The following SFI1 variants were observed in gnomAD, a reference collection of about 807,000 sequenced individuals.
SFI1 encodes the protein SFI1 centrin binding protein, also known as protein SFI1 homolog.
SFI1 carries 195 observed loss-of-function variants against 207.5 expected under a neutral mutation model. The observed-to-expected ratio is 0.94, with a 90% CI of 0.84 to 1.06. The LOEUF is 1.06. SFI1 is among the 50% of genes least tolerant of loss of function. SFI1 has a pLI of 0.00. For synonymous variants in SFI1, 630 were observed against 598.9 expected, an observed-to-expected ratio of 1.05 and a Z score of -0.76; for missense variants, 1,634 against 1,588.0, an observed-to-expected ratio of 1.03 and a Z score of -0.49.
chr22:31,535,900 CTTA>C (rs999598491), intron 4 of SFI1, among the ~76,000 whole-genome samples: 7 of 152,094 alleles, frequency 4.6e-5, no homozygotes, highest in African/African-American at 1.7e-4. Context: ...CCACACCTGC[CTTA>C]TTATACTGAA....
At chr22:31,575,089 T>G (rs936251910) in intron 9 of SFI1, 142 bp from the exon 10 acceptor site, 1 of 33,660 alleles carries the variant, frequency 3.0e-5, no homozygotes, top group Non-Finnish European at 5.6e-5. Context: ...TTAGTGCGTG[T>G]GTGTGTGTGT....
intron 2 of SFI1, among the ~76,000 whole-genome samples, chr22:31,509,789 C>T (rs1188197128): frequency 1.3e-5 from 2 of 151,910 alleles, no homozygotes; most frequent in Admixed American, 6.6e-5. Flanking sequence ...GTCACGAGGT[C>T]TATTGGTCTT....
chr22:31,502,339 C>T (rs2053926834), intron 1 of SFI1, among the ~76,000 whole-genome samples: 1 of 151,560 alleles, frequency 6.6e-6, no homozygotes, highest in South Asian at 2.1e-4. Flanking sequence ...ACTTACTGTA[C>T]TTAGTTCTAG....
At chr22:31,497,403 T>TGTGATCA (rs917701429) in intron 1 of SFI1, 5 of 152,224 alleles carry the variant, frequency 3.3e-5, no homozygotes, top group African/African-American at 1.2e-4. Context: ...TACAGTGATC[T>TGTGATCA]GTGATCAGTG....
intron 22 of SFI1, among the ~76,000 whole-genome samples, chr22:31,608,474 A>G (rs1275523366): frequency 1.3e-5 from 2 of 152,134 alleles, no homozygotes; most frequent in Non-Finnish European, 2.9e-5. Context: ...TTACATCTGC[A>G]GTGAGCCTAG....
chr22:31,569,784 C>CA (rs2062757566), intron 8 of SFI1, among the ~76,000 whole-genome samples: 1 of 151,746 alleles, frequency 6.6e-6, no homozygotes, highest in South Asian at 2.1e-4. Context: ...CCTGTCTCTA[C>CA]AAAAAATACA....
At chr22:31,499,625 G>T (rs1321253826) in intron 1 of SFI1, among the ~76,000 whole-genome samples, 8 of 152,188 alleles carry the variant, frequency 5.3e-5, no homozygotes, top group Non-Finnish European at 1.5e-5. Context: ...ATGTTCTACT[G>T]TGGGTAAAAT....
intron 8 of SFI1, among the ~76,000 whole-genome samples, chr22:31,572,328 ATAGACCCTTG>A (rs2063035136): frequency 6.6e-6 from 1 of 152,142 alleles, no homozygotes; most frequent in African/African-American, 2.4e-5. Flanking sequence ...GTGTGCATTT[ATAGACCCTTG>A]TAGACCCTTA....
chr22:31,569,792 A>G (rs1201578142), intron 8 of SFI1, among the ~76,000 whole-genome samples: 3 of 152,028 alleles, frequency 2.0e-5, no homozygotes, highest in Non-Finnish European at 4.4e-5. Context: ...TACAAAAAAT[A>G]CAAAAAATTA....
At chr22:31,507,990 C>T (rs747283615) in intron 1 of SFI1, among the ~76,000 whole-genome samples, 5 of 152,014 alleles carry the variant, frequency 3.3e-5, no homozygotes, top group Admixed American at 1.3e-4. Flanking sequence ...GCAGGAGAAT[C>T]GCTTGAGCCC....
chr22:31,607,461 G>C (rs1368176294), intron 21 of SFI1, among the ~76,000 whole-genome samples: 1 of 151,814 alleles, frequency 6.6e-6, no homozygotes, highest in African/African-American at 2.4e-5. Context: ...AAATTAGCTG[G>C]GTGTGGTGGT....
chr22:31,511,642 A>G (rs1350584010), intron 2 of SFI1, among the ~76,000 whole-genome samples: 1 of 151,316 alleles, frequency 6.6e-6, no homozygotes, highest in African/African-American at 2.4e-5. Context: ...AAGGGAATGT[A>G]TTTCCTTTAA....
intron 2 of SFI1, among the ~76,000 whole-genome samples, chr22:31,522,844 C>T (rs924878983): frequency 4.6e-5 from 7 of 151,994 alleles, no homozygotes; most frequent in African/African-American, 9.7e-5. Flanking sequence ...TTAGTAGAGA[C>T]GGGGTTTCAC....
chr22:31,546,756 C>T, intron 4 of SFI1, 105 bp from the exon 5 acceptor site: 2 of 670,544 alleles, frequency 3.0e-6, no homozygotes, highest in Non-Finnish European at 4.7e-6. Flanking sequence ...TGTGAGCCAC[C>T]ACGCCCGGCT....
chr22:31,618,472 C>A lies in SFI1; in HGVS notation c.*54C>A. The A allele has an allele frequency of 6.9e-7, 1 of 1,440,732 alleles. No individual in the cohort carries two copies. Among genetic ancestry groups the A allele is most frequent in the Non-Finnish European group, 9.2e-7 (1 of 1,088,712 alleles). The allele number at this position is 1,440,732 out of a possible 1,614,324, so 89.2% of individuals were successfully genotyped here. A position where few individuals can be genotyped will look rare whatever the true frequency, so the allele number is the denominator to read the frequency against. On this transcript the variant is annotated 3_prime_UTR_variant, in exon 33 of 33. Coordinates refer to ENST00000400288, the MANE Select transcript of SFI1 (RefSeq NM_001007467.3). ...GGCTGTCGGGGAGGCCTCAGGCCAC[C>A]TCCAGGAACAGAACACAGTTTTAAG...
intron 4 of SFI1, among the ~76,000 whole-genome samples, chr22:31,535,442 A>G (rs116729750): frequency 0.014 from 2,013 of 145,992 alleles, 42 homozygotes; most frequent in African/African-American, 0.048. Flanking sequence ...CCCGCCCTCA[A>G]CCTCCCAAAG....
chr22:31,574,457 T>C (rs2063269071), intron 9 of SFI1, among the ~76,000 whole-genome samples: 1 of 152,216 alleles, frequency 6.6e-6, no homozygotes, highest in South Asian at 2.1e-4. Context: ...GAGATGAAGC[T>C]GGCAGCCAGG....
intron 6 of SFI1, among the ~76,000 whole-genome samples, chr22:31,550,928 T>C (rs546803799): frequency 1.3e-5 from 2 of 152,318 alleles, no homozygotes; most frequent in Non-Finnish European, 2.9e-5. Context: ...GTACAACCTG[T>C]CAACTCCCCT....
At chr22:31,548,160 C>CCA (rs1207268315) in intron 5 of SFI1, among the ~76,000 whole-genome samples, 2 of 151,210 alleles carry the variant, frequency 1.3e-5, no homozygotes, top group Non-Finnish European at 2.9e-5. Context: ...GTGGAGCTTG[C>CCA]AGTGAGCCAA....
Sources: allele counts gnomAD v4.1 joint callset (sites outside exome capture counted in the v4.1 genomes callset), GRCh38; gene constraint gnomAD v4.1.1; transcripts MANE v1.5; gene names NCBI Gene and HGNC (gene_info 2026-07-23, HGNC 2026-07-21).